Variants in RCAN1 observed in about 807,000 individuals in gnomAD.
The protein encoded by RCAN1 is calcipressin-1.
Under a neutral mutation model 22.9 loss-of-function variants are expected in RCAN1, and 11 were observed. The ratio of observed to expected loss-of-function variants is 0.48; its 90% CI spans 0.30 to 0.79. The LOEUF is 0.79. Ranked by LOEUF, RCAN1 falls within the 30% of genes least tolerant of loss-of-function variation. RCAN1 has a pLI of 0.06. For synonymous variants in RCAN1, 136 were observed against 142.3 expected (o/e 0.96, Z 0.32); for missense variants, 291 against 337.8 (o/e 0.86, Z 1.09).
intron 1 of RCAN1, among the ~76,000 whole-genome samples, chr21:34,554,026 C>A (rs747084029): frequency 2.0e-5 from 3 of 152,132 alleles, no homozygotes; most frequent in African/African-American, 7.2e-5. Context: ...AATTTGCTGG[C>A]ATTTTAAGGA....
intron 1 of RCAN1, among the ~76,000 whole-genome samples, chr21:34,563,762 A>T (rs1303244559): frequency 2.1e-4 from 19 of 88,802 alleles, no homozygotes; most frequent in African/African-American, 1.2e-3. Flanking sequence ...ACCAAAAAAA[A>T]AAAAAAAAAT....
rs183399146 is a variant in RCAN1 at position 34,537,916 on chromosome 21, G to A, written c.253-14206C>T. On this transcript the variant is annotated intron_variant, in intron 1 of 3. Coordinates refer to ENST00000313806, the MANE Select transcript of RCAN1 (RefSeq NM_004414.7). ...TATGGGTGACTCCCTGGGCATCTGTGAAATGTTGTCTCCCACTCCTGAAAT... is the reference window on the plus strand; with the variant it reads ...TATGGGTGACTCCCTGGGCATCTGTAAAATGTTGTCTCCCACTCCTGAAAT... Among the ~76,000 whole-genome samples, 396 of 152,322 alleles carry A rather than the reference G, an allele frequency of 2.6e-3. 5 individuals carry two copies. The highest frequency in any genetic ancestry group is 8.8e-3 in the African/African-American group (367 of 41,564).
chr21:34,597,217 A>G (rs2300390), intron 1 of RCAN1, among the ~76,000 whole-genome samples: 22,877 of 152,198 alleles, frequency 0.15, 2,088 homozygotes, highest in South Asian at 0.24. Context: ...AGCAAAAGTA[A>G]ACACTCCTCG....
In RCAN1 at chr21:34,575,220, C is replaced by G. The variant is rs568613480; in HGVS notation, c.252+39540G>C. Among the ~76,000 whole-genome samples, 111 of 152,364 alleles carry G rather than the reference C, an allele frequency of 7.3e-4. 1 individual carries two copies. Among genetic ancestry groups the G allele is most frequent in the African/African-American group, 2.6e-3 (108 of 41,592 alleles). ...CCTGGCCTTTCTTCAGGATCCGAGC[C>G]TGCACAGTGTGCATCACAGGGCTCC... On this transcript the variant is annotated intron_variant, in intron 1 of 3. Transcript: ENST00000313806.
chr21:34,523,362 T>C (rs1249629408), intron 2 of RCAN1, among the ~76,000 whole-genome samples, 175 bp downstream of exon 2: 1 of 152,234 alleles, frequency 6.6e-6, no homozygotes, highest in Non-Finnish European at 1.5e-5. Context: ...CAAATGCACC[T>C]TGATATCTTC....
At chr21:34,613,946 G>A (rs111280022) in intron 1 of RCAN1, 2 of 1,022,958 alleles carry the variant, frequency 2.0e-6, no homozygotes, top group African/African-American at 3.3e-5. Context: ...TTCATTCTGT[G>A]ACGCCCACGT....
At chr21:34,530,685 C>T (rs986080462) in intron 1 of RCAN1, among the ~76,000 whole-genome samples, 3 of 131,450 alleles carry the variant, frequency 2.3e-5, no homozygotes, top group African/African-American at 5.6e-5. Flanking sequence ...AGTGCAATGG[C>T]GTGATCTTGG....
At chr21:34,603,500 G>C (rs925087894) in intron 1 of RCAN1, among the ~76,000 whole-genome samples, 1 of 152,156 alleles carries the variant, frequency 6.6e-6, no homozygotes, top group Non-Finnish European at 1.5e-5. Context: ...AAAAAGACCT[G>C]CTTTTGAGTT....
At chr21:34,529,932 CT>C (rs1985284745) in intron 1 of RCAN1, among the ~76,000 whole-genome samples, 3 of 152,198 alleles carry the variant, frequency 2.0e-5, no homozygotes, top group African/African-American at 7.2e-5. Flanking sequence ...GGGGTTTTCA[CT>C]TTTGCTTTCT....
chr21:34,531,906 G>C (rs1190789185), intron 1 of RCAN1, among the ~76,000 whole-genome samples: 7 of 151,972 alleles, frequency 4.6e-5, no homozygotes, highest in Non-Finnish European at 2.9e-5. Flanking sequence ...GACCCCCCGT[G>C]TTAAAAAAAT....
intron 1 of RCAN1, among the ~76,000 whole-genome samples, chr21:34,569,398 CT>C (rs1342195645): frequency 6.6e-6 from 1 of 152,260 alleles, no homozygotes; most frequent in Middle Eastern, 3.4e-3. Context: ...CAAATAAGAG[CT>C]TTTTTCTTTT....
At chr21:34,566,810 G>C (rs184001570) in intron 1 of RCAN1, among the ~76,000 whole-genome samples, 1 of 152,184 alleles carries the variant, frequency 6.6e-6, no homozygotes, top group Non-Finnish European at 1.5e-5. Flanking sequence ...GGGGGAGCAG[G>C]CGTGTCACAT....
In RCAN1 at chr21:34,586,510, CAT is replaced by C. The variant is rs567663318; in HGVS notation, c.252+28248_252+28249del. Among the ~76,000 whole-genome samples, 590 of 152,132 alleles carry C rather than the reference CAT, an allele frequency of 3.9e-3. 1 individual carries two copies. Among genetic ancestry groups the C allele is most frequent in the Middle Eastern group, 0.01 (3 of 294 alleles). On this transcript the variant is annotated intron_variant, in intron 1 of 3. Coordinates refer to ENST00000313806, the MANE Select transcript of RCAN1 (RefSeq NM_004414.7). ...GAATTGGAAAATAATAAGGATATGACATATCAAAACTTGTAAGATGCAGCAAA... is the reference window on the plus strand; with the variant it reads ...GAATTGGAAAATAATAAGGATATGACATCAAAACTTGTAAGATGCAGCAAA...
chr21:34,538,655 T>C (rs1985786103), intron 1 of RCAN1, among the ~76,000 whole-genome samples: 1 of 152,084 alleles, frequency 6.6e-6, no homozygotes, highest in Non-Finnish European at 1.5e-5. Flanking sequence ...CCTAGCCGAC[T>C]CTACAGGGAG....
At chr21:34,563,119 A>G (rs927577526) in intron 1 of RCAN1, among the ~76,000 whole-genome samples, 18 of 152,168 alleles carry the variant, frequency 1.2e-4, no homozygotes, top group African/African-American at 3.6e-4. Flanking sequence ...GGAGACAAAG[A>G]CCCCAACTTG....
intron 1 of RCAN1, among the ~76,000 whole-genome samples, chr21:34,556,020 G>T (rs892314346): frequency 3.3e-4 from 49 of 148,460 alleles, no homozygotes; most frequent in Admixed American, 2.9e-3. Context: ...CTGAGATCGT[G>T]CCACTGCGCT....
intron 1 of RCAN1, chr21:34,527,035 C>T: frequency 8.8e-7 from 1 of 1,131,186 alleles, no homozygotes; most frequent in South Asian, 2.4e-5. Context: ...TGCTAATTAA[C>T]TTTGCTTGGG....
At chr21:34,526,843 G>A (rs2123593139) in intron 1 of RCAN1, 1 of 1,507,758 alleles carries the variant, frequency 6.6e-7, no homozygotes. Flanking sequence ...TCTTGAGCTG[G>A]TGCTTATAAA....
rs7282741 is a variant in RCAN1 at position 34,614,089 on chromosome 21, G to T, written c.252+671C>A. Among the ~76,000 whole-genome samples the T allele has an allele frequency of 6.6e-6, 1 of 152,156 alleles. No individual in the cohort carries two copies. Among genetic ancestry groups the T allele is most frequent in the African/African-American group, 2.4e-5 (1 of 41,414 alleles). On this transcript the variant is annotated intron_variant, in intron 1 of 3. Coordinates refer to ENST00000313806, the MANE Select transcript of RCAN1 (RefSeq NM_004414.7). This position sits in a 1 kb window ranked among gnomAD's most constrained non-coding sequence, Gnocchi z 6.0. ...ATTGTGTGGATTTTGCGGGGGTGGG[G>T]GGAGGCGGGGGAAGGAGTCGACTCC...
Sources: gnomAD v4.1 joint callset for allele counts (sites outside exome capture counted in the v4.1 genomes callset) on GRCh38, gnomAD v4.1.1 for gene constraint, Gnocchi (gnomAD v3.1) non-coding constraint, MANE v1.5 for transcripts, NCBI Gene and HGNC (gene_info 2026-07-23, HGNC 2026-07-21) for gene names.